Variants in CNTNAP4 observed in about 807,000 individuals in gnomAD.
CNTNAP4 encodes contactin-associated protein-like 4.
A neutral mutation model predicts 148.4 loss-of-function variants in CNTNAP4; 98 were observed. The ratio of observed to expected loss-of-function variants is 0.66; its 90% CI spans 0.56 to 0.78. The LOEUF (loss-of-function observed/expected upper bound fraction) is 0.78, where lower values mean the gene tolerates loss of function less well. CNTNAP4 is among the 30% of genes least tolerant of loss of function. The pLI is 0.00. For synonymous variants in CNTNAP4, 730 were observed against 565.1 expected, an observed-to-expected ratio of 1.29 and a Z score of -4.14; for missense variants, 1,935 against 1,565.6, an observed-to-expected ratio of 1.24 and a Z score of -3.98.
Position 76,495,009 on chromosome 16 carries a change from A to G in CNTNAP4, c.2180A>G (p.Glu727Gly). The change falls in exon 14 of 24, where the codon GAG becomes GGG. Residue 727 changes from glutamate (E) to glycine (G), a missense_variant. Physicochemically the swap from Glu to Gly is moderately conservative, Grantham distance 98. Coordinates refer to ENST00000611870, the MANE Select transcript of CNTNAP4 (RefSeq NM_033401.5). ...PDLQKCTCGL[E>G]GNCIDSQYYC... ...CTTCAAAAATGTACTTGTGGATTAG[A>G]GGGAAACTGCATTGATTCTCAGTAT... 6.2e-7 allele frequency: 1 copy of G among 1,613,588 alleles called. No homozygotes were observed. Among genetic ancestry groups the G allele is most frequent in the Non-Finnish European group, 8.5e-7 (1 of 1,179,578 alleles).
chr16:76,407,119 A>G (rs2078624031), intron 3 of CNTNAP4, among the ~76,000 whole-genome samples: 1 of 152,120 alleles, frequency 6.6e-6, no homozygotes, highest in South Asian at 2.1e-4. Context: ...GTGCTCATTT[A>G]CCATTCTGAA....
intron 3 of CNTNAP4, among the ~76,000 whole-genome samples, chr16:76,385,829 A>G (rs768337941): frequency 6.6e-6 from 1 of 152,140 alleles, no homozygotes; most frequent in Non-Finnish European, 1.5e-5. Flanking sequence ...TCATGACTGA[A>G]TGAAGCTTCC....
chr16:76,314,432 C>G (rs929018190), intron 1 of CNTNAP4, among the ~76,000 whole-genome samples: 3 of 152,070 alleles, frequency 2.0e-5, no homozygotes, highest in African/African-American at 7.2e-5. Context: ...ACCCTTGGTA[C>G]AAATACTTGT....
At chr16:76,495,779 C>G (rs13329796) in intron 14 of CNTNAP4, among the ~76,000 whole-genome samples, 4,108 of 152,098 alleles carry the variant, frequency 0.027, 179 homozygotes, top group African/African-American at 0.09. Context: ...TGCTAAGCAA[C>G]TAGACCTGTA....
At chr16:76,486,237 A>G (rs980726049) in intron 12 of CNTNAP4, among the ~76,000 whole-genome samples, 5 of 152,198 alleles carry the variant, frequency 3.3e-5, no homozygotes, top group African/African-American at 1.2e-4. Context: ...CATTTAGTAA[A>G]AGATAATTGG....
intron 2 of CNTNAP4, among the ~76,000 whole-genome samples, chr16:76,321,647 G>A (rs1052072449): frequency 6.6e-6 from 1 of 151,630 alleles, no homozygotes; most frequent in African/African-American, 2.4e-5. Flanking sequence ...AAATTAGCCG[G>A]GCGTGGTGGC....
At chr16:76,477,365 T>C (rs1289211099) in intron 11 of CNTNAP4, among the ~76,000 whole-genome samples, 2 of 152,162 alleles carry the variant, frequency 1.3e-5, no homozygotes, top group Admixed American at 1.3e-4. Context: ...GCAACTGAAC[T>C]CTTAGTATTA....
intron 15 of CNTNAP4, among the ~76,000 whole-genome samples, chr16:76,516,386 A>T (rs2083256114): frequency 6.6e-6 from 1 of 152,330 alleles, no homozygotes; most frequent in Non-Finnish European, 1.5e-5. Context: ...CATTGTAAAT[A>T]GTGCTGCAAT....
chr16:76,427,726 G>C, intron 4 of CNTNAP4, 127 bp downstream of exon 4: 1 of 890,362 alleles, frequency 1.1e-6, no homozygotes, highest in Non-Finnish European at 1.6e-6. Flanking sequence ...AATTTTTGTG[G>C]AAAGCTTTTT....
At chr16:76,313,208 C>A (rs1159766678) in intron 1 of CNTNAP4, among the ~76,000 whole-genome samples, 1 of 152,122 alleles carries the variant, frequency 6.6e-6, no homozygotes. Context: ...AACAAATGAA[C>A]AATAAATATA....
chr16:76,533,109 C>T (rs938618376), intron 17 of CNTNAP4, among the ~76,000 whole-genome samples: 6 of 150,448 alleles, frequency 4.0e-5, no homozygotes, highest in South Asian at 4.2e-4. Flanking sequence ...ACAAATGAAT[C>T]GATAAAAAAA....
At chr16:76,333,930 A>T in intron 2 of CNTNAP4, among the ~76,000 whole-genome samples, 1 of 151,348 alleles carries the variant, frequency 6.6e-6, no homozygotes. Flanking sequence ...TTGTTTCCTG[A>T]CTTTTGAATG....
intron 1 of CNTNAP4, among the ~76,000 whole-genome samples, chr16:76,290,895 C>G (rs764555547): frequency 6.6e-6 from 1 of 152,126 alleles, no homozygotes; most frequent in Non-Finnish European, 1.5e-5. Flanking sequence ...TTGGTGTAGC[C>G]TCTCCTCCTG....
At chr16:76,405,659 TGAG>T (rs1278082227) in intron 3 of CNTNAP4, among the ~76,000 whole-genome samples, 1 of 152,014 alleles carries the variant, frequency 6.6e-6, no homozygotes, top group Non-Finnish European at 1.5e-5. Flanking sequence ...TTGAGTAGTC[TGAG>T]GAGGAGGAGG....
intron 3 of CNTNAP4, among the ~76,000 whole-genome samples, chr16:76,405,884 C>T (rs1254640375): frequency 6.6e-6 from 1 of 151,936 alleles, no homozygotes; most frequent in African/African-American, 2.4e-5. Context: ...TAATCAATCT[C>T]AATTACTAAA....
At chr16:76,383,640 T>G (rs2016221167) in intron 3 of CNTNAP4, among the ~76,000 whole-genome samples, 2 of 152,280 alleles carry the variant, frequency 1.3e-5, no homozygotes, top group South Asian at 4.1e-4. Context: ...AGATAAGCAG[T>G]CCACACAGGA....
intron 23 of CNTNAP4, among the ~76,000 whole-genome samples, chr16:76,555,597 G>GTA (rs1204192316): frequency 6.6e-6 from 1 of 152,134 alleles, no homozygotes; most frequent in Non-Finnish European, 1.5e-5. Context: ...ATATAGAGTG[G>GTA]TATATAGTCA....
intron 3 of CNTNAP4, among the ~76,000 whole-genome samples, chr16:76,427,160 C>T (rs758582220): frequency 3.3e-5 from 5 of 152,034 alleles, no homozygotes; most frequent in Non-Finnish European, 7.4e-5. Context: ...CACATTTTTA[C>T]GTTTAATCTA....
intron 2 of CNTNAP4, among the ~76,000 whole-genome samples, chr16:76,339,639 T>A (rs1964305731): frequency 6.6e-6 from 1 of 152,210 alleles, no homozygotes; most frequent in Non-Finnish European, 1.5e-5. Context: ...TTACTTTTGT[T>A]ATGGGAAAGA....
Sources: gnomAD v4.1 joint callset for allele counts (sites outside exome capture counted in the v4.1 genomes callset) on GRCh38, gnomAD v4.1.1 for gene constraint, MANE v1.5 for transcripts, NCBI Gene and HGNC (gene_info 2026-07-23, HGNC 2026-07-21) for gene names.